Variants in RLN2 observed in about 807,000 individuals in gnomAD.
RLN2 encodes the protein relaxin 2, also known as prorelaxin H2.
RLN2 carries 10 observed loss-of-function variants against 7.3 expected under a neutral mutation model. The ratio of observed to expected loss-of-function variants is 1.36; its 90% CI spans 0.84 to 2.31. The LOEUF (loss-of-function observed/expected upper bound fraction) is 2.31. Ranked by LOEUF, RLN2 falls within the 30% of genes most tolerant of loss-of-function variation. RLN2 has a pLI of 0.00. For synonymous variants in RLN2, 103 were observed against 82.3 expected (o/e 1.25, Z -1.36); for missense variants, 298 against 217.6 (o/e 1.37, Z -2.32).
chr9:5,314,157 G>A, the RLN2 span, among the ~76,000 whole-genome samples: 2 of 152,126 alleles, frequency 1.3e-5, no homozygotes, highest in East Asian at 1.9e-4. Context: ...TGTGACCCAC[G>A]TGGCTACTGC....
At chr9:5,324,784 T>C in the RLN2 span, among the ~76,000 whole-genome samples, 1 of 152,100 alleles carries the variant, frequency 6.6e-6, no homozygotes, top group Non-Finnish European at 1.5e-5. Context: ...ATTATTATTG[T>C]GTAATAAGCA....
chr9:5,319,938 G>A, the RLN2 span, among the ~76,000 whole-genome samples: 1 of 151,246 alleles, frequency 6.6e-6, no homozygotes, highest in African/African-American at 2.4e-5. Context: ...TTTTTTATTT[G>A]ATCAGATACC....
chr9:5,334,169 GGTCA>G, the RLN2 span, among the ~76,000 whole-genome samples: 11 of 152,004 alleles, frequency 7.2e-5, no homozygotes, highest in Admixed American at 2.6e-4. Flanking sequence ...GTTCTAGCCA[GGTCA>G]GTCAGGCAAG....
chr9:5,313,547 T>C, the RLN2 span, among the ~76,000 whole-genome samples: 15 of 151,966 alleles, frequency 9.9e-5, no homozygotes, highest in Non-Finnish European at 2.2e-4. Context: ...AAAAACTTTT[T>C]ATTTTATTTA....
the RLN2 span, among the ~76,000 whole-genome samples, chr9:5,324,181 G>A: frequency 6.6e-6 from 1 of 152,026 alleles, no homozygotes; most frequent in African/African-American, 2.4e-5. Flanking sequence ...ATGTTAAAGT[G>A]CAGGGTCTAC....
chr9:5,313,697 A>C, the RLN2 span, among the ~76,000 whole-genome samples: 1 of 100,480 alleles, frequency 1.0e-5, no homozygotes, highest in Non-Finnish European at 1.8e-5. Context: ...TGGTGAGAGC[A>C]TTTGAAATCC....
the RLN2 span, among the ~76,000 whole-genome samples, chr9:5,321,742 T>C: frequency 1.3e-5 from 2 of 151,740 alleles, no homozygotes; most frequent in Non-Finnish European, 2.9e-5. Flanking sequence ...ACATGCACTG[T>C]GGCTAAGGAA....
chr9:5,307,035 T>C (rs1435572507), upstream of RLN2, among the ~76,000 whole-genome samples: 1 of 151,984 alleles, frequency 6.6e-6, no homozygotes, highest in Non-Finnish European at 1.5e-5. Context: ...GGAGGTGAAG[T>C]AGCCCTCTTG....
chr9:5,310,502 C>G, the RLN2 span, among the ~76,000 whole-genome samples: 2 of 152,104 alleles, frequency 1.3e-5, no homozygotes, highest in African/African-American at 4.8e-5. Context: ...GTCTCTTCCT[C>G]GCTAGGGTGA....
the RLN2 span, among the ~76,000 whole-genome samples, chr9:5,327,105 G>C: frequency 1.3e-5 from 2 of 152,154 alleles, no homozygotes; most frequent in East Asian, 1.9e-4. Context: ...ACCTCACCCG[G>C]GAAATGCAAG....
At chr9:5,334,694 A>G in the RLN2 span, among the ~76,000 whole-genome samples, 3 of 152,034 alleles carry the variant, frequency 2.0e-5, no homozygotes, top group African/African-American at 7.3e-5. Flanking sequence ...CCTGAAAAGT[A>G]CTTGAGTTCC....
the RLN2 span, among the ~76,000 whole-genome samples, chr9:5,334,033 G>A: frequency 2.0e-5 from 3 of 151,894 alleles, no homozygotes; most frequent in African/African-American, 7.3e-5. Context: ...AATAATAAGA[G>A]CCATTTATGA....
At chr9:5,331,306 C>A in the RLN2 span, among the ~76,000 whole-genome samples, 1 of 151,978 alleles carries the variant, frequency 6.6e-6, no homozygotes, top group Non-Finnish European at 1.5e-5. Flanking sequence ...AGATTTTAGG[C>A]CAATACCCTG....
the RLN2 span, among the ~76,000 whole-genome samples, chr9:5,338,135 C>T: frequency 6.2e-5 from 8 of 129,264 alleles, no homozygotes; most frequent in African/African-American, 2.4e-4. Context: ...TTAATATCTA[C>T]GAGTGCTTCT....
At chr9:5,336,416 A>T in the RLN2 span, among the ~76,000 whole-genome samples, 4 of 152,058 alleles carry the variant, frequency 2.6e-5, no homozygotes, top group African/African-American at 9.7e-5. Flanking sequence ...ACAGCATCCC[A>T]GGCTGGCCAA....
chr9:5,334,165 G>C, the RLN2 span, among the ~76,000 whole-genome samples: 1 of 151,994 alleles, frequency 6.6e-6, no homozygotes, highest in African/African-American at 2.4e-5. Context: ...GGAAGTTCTA[G>C]CCAGGTCAGT....
At chr9:5,324,143 A>G in the RLN2 span, among the ~76,000 whole-genome samples, 2 of 152,040 alleles carry the variant, frequency 1.3e-5, no homozygotes, top group Non-Finnish European at 2.9e-5. Flanking sequence ...AAAATCACCA[A>G]TATTTGTGGG....
chr9:5,307,610 G>A (rs1189647518), upstream of RLN2, among the ~76,000 whole-genome samples: 1 of 151,980 alleles, frequency 6.6e-6, no homozygotes, highest in African/African-American at 2.4e-5. Flanking sequence ...GGGTCAGGAT[G>A]GGCTCTGCCG....
chr9:5,335,601 T>G, the RLN2 span: 1 of 1,583,920 alleles, frequency 6.3e-7, no homozygotes, highest in Non-Finnish European at 8.6e-7. Flanking sequence ...ACAATTTCTG[T>G]TAAGTTTAAA....
Sources: allele counts gnomAD v4.1 joint callset (sites outside exome capture counted in the v4.1 genomes callset), GRCh38; gene constraint gnomAD v4.1.1; transcripts MANE v1.5; gene names NCBI Gene and HGNC (gene_info 2026-07-23, HGNC 2026-07-21).